Variants in OXR1 observed in about 807,000 individuals in gnomAD.
OXR1 encodes oxidation resistance 1.
A neutral mutation model predicts 104.6 loss-of-function variants in OXR1; 41 were observed. That is an observed-to-expected ratio of 0.39 (90% CI 0.31 to 0.51). The LOEUF (loss-of-function observed/expected upper bound fraction) is 0.51. Among genes scored for constraint, OXR1 ranks in the 20% least tolerant of loss-of-function variants. OXR1 has a pLI of 0.77. For missense variants in OXR1, 955 were observed against 1,031.9 expected (o/e 0.93, Z 1.02); for synonymous variants, 348 against 348.4 (o/e 1.00, Z 0.01).
intron 2 of OXR1, among the ~76,000 whole-genome samples, chr8:106,456,542 G>A (rs971601494): frequency 6.6e-6 from 1 of 152,080 alleles, no homozygotes; most frequent in African/African-American, 2.4e-5. Context: ...GTTATTTAAT[G>A]CCATCAATGT....
At chr8:106,309,688 T>C (rs2130126240) in intron 1 of OXR1, among the ~76,000 whole-genome samples, 1 of 151,726 alleles carries the variant, frequency 6.6e-6, no homozygotes, top group Admixed American at 6.6e-5. Context: ...AATTTTCTAA[T>C]ATTTTATTAA....
At chr8:106,602,480 G>A (rs781236424) in intron 3 of OXR1, among the ~76,000 whole-genome samples, 19 of 152,284 alleles carry the variant, frequency 1.2e-4, no homozygotes, top group African/African-American at 2.4e-4. Flanking sequence ...AAATGAAATC[G>A]TCAAGAATGA....
At chr8:106,389,331 G>A (rs1817505304) in intron 2 of OXR1, among the ~76,000 whole-genome samples, 1 of 152,202 alleles carries the variant, frequency 6.6e-6, no homozygotes, top group Non-Finnish European at 1.5e-5. Flanking sequence ...TATTTGGTAA[G>A]TTAAATTCTG....
chr8:106,664,434 A>T (rs539379433), intron 3 of OXR1, among the ~76,000 whole-genome samples: 17 of 152,200 alleles, frequency 1.1e-4, no homozygotes, highest in Non-Finnish European at 1.6e-4. Context: ...CTTAGTGGGT[A>T]AGTCTTTTAT....
At chr8:106,581,739 C>G (rs138783636) in intron 3 of OXR1, among the ~76,000 whole-genome samples, 25 of 152,058 alleles carry the variant, frequency 1.6e-4, no homozygotes, top group African/African-American at 5.8e-4. Flanking sequence ...TTATCATTTT[C>G]AGGGCCAGGC....
intron 2 of OXR1, among the ~76,000 whole-genome samples, chr8:106,374,692 T>G (rs996000669): frequency 3.9e-5 from 6 of 152,200 alleles, no homozygotes; most frequent in African/African-American, 1.4e-4. Context: ...GCAACTTCAG[T>G]GCTAAGTAAT....
chr8:106,700,663 T>G (rs988498347), intron 7 of OXR1, among the ~76,000 whole-genome samples: 2 of 152,178 alleles, frequency 1.3e-5, no homozygotes, highest in African/African-American at 4.8e-5. Context: ...GATTAAGGTA[T>G]TAAGGTATAT....
rs750726512 is a variant in OXR1, at chr8:106,706,527, G to A, written c.1006G>A (p.Glu336Lys). Residue 336 changes from glutamate (E) to lysine (K), a missense_variant, in exon 9 of 17, where the codon GAA becomes AAA. Physicochemically the swap from Glu to Lys is moderately conservative, Grantham distance 56. Coordinates refer to ENST00000517566, the MANE Select transcript of OXR1 (RefSeq NM_001198533.2). ...APRSTEESLS[E>K]DVFTESELSP... is the part of the protein sequence containing the mutation. ...TAGGAGCACTGAGGAGTCTCTTTCT[G>A]AAGATGTGTTCACAGAATCAGAACT... 15 of 1,606,968 alleles carry A rather than the reference G, an allele frequency of 9.3e-6. No individual in the cohort carries two copies. Among genetic ancestry groups the A allele is most frequent in the Middle Eastern group, 3.3e-4 (2 of 6,026 alleles).
chr8:106,390,718 CAG>C (rs1438962550), intron 2 of OXR1, among the ~76,000 whole-genome samples: 2 of 152,030 alleles, frequency 1.3e-5, no homozygotes, highest in Non-Finnish European at 2.9e-5. Context: ...TACTGAAAAA[CAG>C]ATGTTAATTT....
chr8:106,750,733 A>G, intron 16 of OXR1, 73 bp from the exon 17 acceptor site: 1 of 1,063,758 alleles, frequency 9.4e-7, no homozygotes, highest in Non-Finnish European at 1.4e-6. Flanking sequence ...GTTGTTAGGT[A>G]TTCAAAGTCT....
At chr8:106,398,180 C>T (rs1817857025) in intron 2 of OXR1, among the ~76,000 whole-genome samples, 1 of 152,120 alleles carries the variant, frequency 6.6e-6, no homozygotes, top group Admixed American at 6.6e-5. Flanking sequence ...AAGTTTGTAT[C>T]ACTAATTCTC....
At chr8:106,707,313 G>C in intron 9 of OXR1, 168 bp downstream of exon 9, 2 of 685,656 alleles carry the variant, frequency 2.9e-6, no homozygotes, top group Non-Finnish European at 5.2e-6. Flanking sequence ...AGTGTCTACT[G>C]TCTTTTCTTA....
intron 3 of OXR1, among the ~76,000 whole-genome samples, chr8:106,570,802 G>T (rs1177053907): frequency 6.6e-6 from 1 of 152,168 alleles, no homozygotes; most frequent in Non-Finnish European, 1.5e-5. Context: ...ACTGTGAACA[G>T]TTGGGAACTT....
chr8:106,629,445 G>A (rs118043094), intron 3 of OXR1, among the ~76,000 whole-genome samples: 193 of 152,230 alleles, frequency 1.3e-3, no homozygotes, highest in Non-Finnish European at 2.4e-3. Flanking sequence ...CTGACTACTC[G>A]TCTAGGGTCC....
intron 7 of OXR1, among the ~76,000 whole-genome samples, chr8:106,696,602 C>G (rs1830056426): frequency 6.6e-6 from 1 of 152,152 alleles, no homozygotes; most frequent in Non-Finnish European, 1.5e-5. Flanking sequence ...ATCCCTATTC[C>G]ACAGCCTCAC....
chr8:106,531,926 T>C (rs1426246968), intron 3 of OXR1, among the ~76,000 whole-genome samples: 1 of 152,196 alleles, frequency 6.6e-6, no homozygotes, highest in African/African-American at 2.4e-5. Flanking sequence ...AAGGGGAATA[T>C]AAATAATAAC....
At chr8:106,363,182 A>G (rs1816321203) in intron 2 of OXR1, among the ~76,000 whole-genome samples, 1 of 152,216 alleles carries the variant, frequency 6.6e-6, no homozygotes, top group Non-Finnish European at 1.5e-5. Flanking sequence ...GTCCTGTGCT[A>G]AGCACAGGGA....
intron 2 of OXR1, among the ~76,000 whole-genome samples, chr8:106,373,638 G>A (rs1586578932): frequency 6.6e-6 from 1 of 152,262 alleles, no homozygotes; most frequent in East Asian, 1.9e-4. Flanking sequence ...CACCCAGGCT[G>A]GAGTGCAATG....
chr8:106,475,046 C>T (rs758574995), intron 2 of OXR1, among the ~76,000 whole-genome samples: 10 of 151,890 alleles, frequency 6.6e-5, no homozygotes, highest in Non-Finnish European at 1.0e-4. Context: ...GTACCTACCT[C>T]ATAGGATTTC....
Sources: allele counts gnomAD v4.1 joint callset (sites outside exome capture counted in the v4.1 genomes callset), GRCh38; gene constraint gnomAD v4.1.1; transcripts MANE v1.5; gene names NCBI Gene and HGNC (gene_info 2026-07-23, HGNC 2026-07-21).